XKR9: variants seen among roughly 807,000 people sequenced by gnomAD.
XKR9 encodes XK related 9.
A neutral mutation model predicts 32.0 loss-of-function variants in XKR9; 32 were observed. The observed-to-expected ratio is 1.00, with a 90% CI of 0.76 to 1.34. The LOEUF is 1.34. XKR9 is among the 40% of genes most tolerant of loss of function. The probability of loss-of-function intolerance (pLI) is 0.00; values close to 1 mark genes in which losing one functional copy is unlikely to be tolerated. For synonymous variants in XKR9, 168 were observed against 143.4 expected (o/e 1.17, Z -1.22); for missense variants, 546 against 429.7 (o/e 1.27, Z -2.39).
At chr8:70,704,679 T>A (rs1586836279) in intron 3 of XKR9, among the ~76,000 whole-genome samples, 1 of 152,314 alleles carries the variant, frequency 6.6e-6, no homozygotes, top group African/African-American at 2.4e-5. Flanking sequence ...ATAATTATGC[T>A]CTGGGTATGT....
chr8:70,768,728 T>C (rs948642496), intron 2 of XKR9, among the ~76,000 whole-genome samples: 2 of 150,790 alleles, frequency 1.3e-5, no homozygotes, highest in African/African-American at 4.9e-5. Context: ...GTCTGTTTTA[T>C]CAGAGACAGG....
At chr8:70,752,753 A>G (rs1339459987) in intron 2 of XKR9, among the ~76,000 whole-genome samples, 1 of 152,188 alleles carries the variant, frequency 6.6e-6, no homozygotes, top group East Asian at 1.9e-4. Context: ...AATCTCTGGG[A>G]CACATTTAAA....
the XKR9 span, among the ~76,000 whole-genome samples, chr8:70,916,727 T>C: frequency 1.3e-5 from 2 of 152,124 alleles, no homozygotes; most frequent in Non-Finnish European, 1.5e-5. Flanking sequence ...AATCTATAGG[T>C]AAATTTGTAG....
chr8:70,894,220 CAGTA>C, the XKR9 span, among the ~76,000 whole-genome samples: 19 of 151,688 alleles, frequency 1.3e-4, no homozygotes, highest in African/African-American at 3.4e-4. Flanking sequence ...TAGGGTTTGA[CAGTA>C]TACTAGATTC....
the XKR9 span, among the ~76,000 whole-genome samples, chr8:70,902,971 T>G: frequency 1.3e-5 from 2 of 152,238 alleles, no homozygotes; most frequent in Non-Finnish European, 1.5e-5. Flanking sequence ...GAACCAGCCT[T>G]GCATCCCAGG....
the XKR9 span, among the ~76,000 whole-genome samples, chr8:70,893,981 C>G: frequency 6.6e-6 from 1 of 152,122 alleles, no homozygotes; most frequent in East Asian, 1.9e-4. Flanking sequence ...GACTGAGGCA[C>G]TCCCTGGCAT....
chr8:70,967,419 A>C, the XKR9 span, among the ~76,000 whole-genome samples: 1 of 152,018 alleles, frequency 6.6e-6, no homozygotes, highest in African/African-American at 2.4e-5. Context: ...TAATTGTGGC[A>C]TTTAGCCTAT....
chr8:70,818,107 A>G, the XKR9 span, among the ~76,000 whole-genome samples: 3 of 152,290 alleles, frequency 2.0e-5, no homozygotes, highest in Admixed American at 6.5e-5. Context: ...AAATTTGACA[A>G]TGGTACATAG....
chr8:70,708,808 A>G (rs1260178342), intron 4 of XKR9, among the ~76,000 whole-genome samples: 2 of 152,156 alleles, frequency 1.3e-5, no homozygotes, highest in Non-Finnish European at 2.9e-5. Flanking sequence ...TCAGTAACAA[A>G]AAACCTACCA....
chr8:70,932,436 A>G, the XKR9 span, among the ~76,000 whole-genome samples: 1 of 152,180 alleles, frequency 6.6e-6, no homozygotes, highest in African/African-American at 2.4e-5. Flanking sequence ...CAGAGTTGGC[A>G]TTGCCATAAT....
the XKR9 span, among the ~76,000 whole-genome samples, chr8:70,894,003 G>C: frequency 2.0e-4 from 30 of 152,136 alleles, no homozygotes; most frequent in Middle Eastern, 3.4e-3. Flanking sequence ...TTGGGCCCAG[G>C]GAGTTGGTTG....
chr8:70,797,707 C>T, the XKR9 span, among the ~76,000 whole-genome samples: 2 of 152,124 alleles, frequency 1.3e-5, no homozygotes, highest in Non-Finnish European at 2.9e-5. Flanking sequence ...ACTCCCCTAA[C>T]CTCCACCCTC....
the XKR9 span, among the ~76,000 whole-genome samples, chr8:70,972,503 T>G: frequency 9.2e-5 from 14 of 152,206 alleles, no homozygotes; most frequent in African/African-American, 3.4e-4. Flanking sequence ...AGTACTATGT[T>G]GAATAGAAGT....
the XKR9 span, among the ~76,000 whole-genome samples, chr8:70,863,677 A>T: frequency 6.6e-6 from 1 of 152,140 alleles, no homozygotes; most frequent in Non-Finnish European, 1.5e-5. Context: ...ATTTGGAGAG[A>T]TCAGTTAGGA....
the XKR9 span, among the ~76,000 whole-genome samples, chr8:71,061,167 T>C: frequency 1.2e-4 from 19 of 152,334 alleles, no homozygotes; most frequent in African/African-American, 4.6e-4. Flanking sequence ...GGTTACATAC[T>C]AGTAAGTTGC....
chr8:70,734,110 A>T lies in XKR9; in HGVS notation c.808A>T (p.Ile270Phe). The T allele has an allele frequency of 1.9e-6, 3 of 1,612,648 alleles. No homozygotes were observed. Among genetic ancestry groups the T allele is most frequent in the Non-Finnish European group, 2.5e-6 (3 of 1,179,032 alleles). The change falls in exon 5 of 5, where the codon ATT becomes TTT. Residue 270 changes from isoleucine (I) to phenylalanine (F), a missense_variant. Physicochemically the swap from Ile to Phe is conservative, Grantham distance 21 (BLOSUM62 0). Transcript: ENST00000408926. Reference protein sequence around the residue: ...EFLYRIVVGFILIFTFFNIKG... With the variant: ...EFLYRIVVGFFLIFTFFNIKG... ...CTTATATAGGATTGTTGTTGGATTC[A>T]TTCTTATCTTTACATTTTTTAATAT...
chr8:70,805,246 C>T, the XKR9 span, among the ~76,000 whole-genome samples: 3 of 152,292 alleles, frequency 2.0e-5, no homozygotes, highest in Non-Finnish European at 2.9e-5. Flanking sequence ...CCAGGTAAAC[C>T]GTGCTTTTTC....
At chr8:70,942,315 G>GTGGC in the XKR9 span, among the ~76,000 whole-genome samples, 4 of 152,120 alleles carry the variant, frequency 2.6e-5, no homozygotes, top group Non-Finnish European at 5.9e-5. Context: ...TTTGACTTTT[G>GTGGC]TGGTTCCCTA....
At chr8:70,742,432 C>G (rs969226029) in intron 2 of XKR9, among the ~76,000 whole-genome samples, 1 of 152,108 alleles carries the variant, frequency 6.6e-6, no homozygotes, top group Non-Finnish European at 1.5e-5. Flanking sequence ...GCACTTGATT[C>G]GGAATCTTTG....
Sources: allele counts gnomAD v4.1 joint callset (sites outside exome capture counted in the v4.1 genomes callset), GRCh38; gene constraint gnomAD v4.1.1; transcripts MANE v1.5; gene names NCBI Gene and HGNC (gene_info 2026-07-23, HGNC 2026-07-21).